Variants in DGKG observed in about 807,000 individuals in gnomAD.
The protein encoded by DGKG is DAG kinase gamma.
DGKG carries 78 observed loss-of-function variants against 105.3 expected under a neutral mutation model. The ratio of observed to expected loss-of-function variants is 0.74; its 90% CI spans 0.62 to 0.89. The LOEUF is 0.89. Ranked by LOEUF, DGKG falls within the 40% of genes least tolerant of loss-of-function variation. The probability of loss-of-function intolerance (pLI) is 0.00; values close to 1 mark genes in which losing one functional copy is unlikely to be tolerated. For synonymous variants in DGKG, 346 were observed against 367.1 expected (o/e 0.94, Z 0.66); for missense variants, 958 against 1,020.1 (o/e 0.94, Z 0.83).
rs1718973190 is a variant in DGKG, at chr3:186,210,312, C to T, written c.1917+1483G>A. The stretch of plus-strand genomic sequence containing the variant: ...CCAAGGGGAAAAAATGCACACATAT[C>T]CCTGTTAGCCACACTCGGTTCCCCT... On this transcript the variant is annotated intron_variant, in intron 21 of 24. Coordinates refer to ENST00000265022, the MANE Select transcript of DGKG (RefSeq NM_001346.3). The surrounding 1 kb of genome is among the most constrained non-coding windows in gnomAD (Gnocchi z 5.2). Among the ~76,000 whole-genome samples the T allele has an allele frequency of 6.6e-6, 1 of 152,188 alleles. No individual in the cohort carries two copies.
chr3:186,245,626 T>C (rs930096459), intron 19 of DGKG, among the ~76,000 whole-genome samples: 1 of 152,226 alleles, frequency 6.6e-6, no homozygotes, highest in Admixed American at 6.5e-5. Flanking sequence ...GATGATAGCA[T>C]TTCTCACAGC....
Position 186,232,383 on chromosome 3 carries a change from C to T in DGKG, c.1826+10121G>A, listed in dbSNP as rs910750941. Among the ~76,000 whole-genome samples the T allele has an allele frequency of 5.3e-5, 8 of 152,082 alleles. No homozygotes were observed. The South Asian group carries it at 6.2e-4, about 12-fold the overall frequency. ...AATGCTGAAAGAAAATATGTTATAGCGCTGAGTGTTTATTTCTTGGAGGAG... is the reference window on the plus strand; with the variant it reads ...AATGCTGAAAGAAAATATGTTATAGTGCTGAGTGTTTATTTCTTGGAGGAG... On this transcript the variant is annotated intron_variant, in intron 20 of 24. Coordinates refer to ENST00000265022, the MANE Select transcript of DGKG (RefSeq NM_001346.3).
chr3:186,188,544 C>T (rs566926961), intron 21 of DGKG, among the ~76,000 whole-genome samples, 165 bp from the exon 22 acceptor site: 6 of 152,220 alleles, frequency 3.9e-5, no homozygotes, highest in South Asian at 2.1e-4. Context: ...TGGGCAAAGT[C>T]GCTCAGACTT....
intron 21 of DGKG, among the ~76,000 whole-genome samples, chr3:186,198,532 T>A (rs2268845): frequency 6.6e-6 from 1 of 152,036 alleles, no homozygotes; most frequent in Non-Finnish European, 1.5e-5. Flanking sequence ...GGGTCAATAC[T>A]AGAGGCAGTG....
At chr3:186,259,095 G>GCTCTCCGACGGGA (rs11271469) in intron 16 of DGKG, among the ~76,000 whole-genome samples, 17 of 124,878 alleles carry the variant, frequency 1.4e-4, no homozygotes, top group African/African-American at 5.0e-4. Flanking sequence ...GCAGAACTCT[G>GCTCTCCGACGGGA]CTCTCCGACG....
intron 17 of DGKG, among the ~76,000 whole-genome samples, chr3:186,256,785 C>T (rs2108568493): frequency 6.6e-6 from 1 of 152,356 alleles, no homozygotes; most frequent in African/African-American, 2.4e-5. Flanking sequence ...TTCCTTCTGC[C>T]TGGACTGCCC....
In DGKG at chr3:186,264,257, C is replaced by T. The variant is rs562956555; in HGVS notation, c.1269+990G>A. On this transcript the variant is annotated intron_variant, in intron 14 of 24. Coordinates refer to ENST00000265022, the MANE Select transcript of DGKG (RefSeq NM_001346.3). ...TCCCCTCATTCGGCCTTATGTTTCA[C>T]TTTTCTTTTTCTTTTTTTTCTTTTG... Among the ~76,000 whole-genome samples, 3 of 150,482 alleles carry T rather than the reference C, an allele frequency of 2.0e-5. No homozygotes were observed. In the South Asian group the frequency reaches 6.3e-4, roughly 32 times the overall value.
rs1727245050 is a variant in DGKG, at chr3:186,361,826, T to C, written c.-249+120A>G. 1 of 152,586 alleles carries C rather than the reference T, an allele frequency of 6.6e-6. No homozygotes were observed. Among genetic ancestry groups the C allele is most frequent in the Non-Finnish European group, 1.5e-5 (1 of 68,426 alleles). 9.5% of individuals were successfully genotyped at this position (152,586 alleles called of 1,614,324 possible). A position where few individuals can be genotyped will look rare whatever the true frequency, so the allele number is the denominator to read the frequency against. On this transcript the variant is annotated intron_variant, in intron 1 of 24. Transcript: ENST00000265022. The surrounding 1 kb of genome is among the most constrained non-coding windows in gnomAD (Gnocchi z 6.8). ...ACTGTCGGGGTGGGCGCCGTGGCTT[T>C]GGCTGCAGCCCCTTCCCTGGCCGCG... is the stretch of plus-strand genomic sequence containing the variant.
At chr3:186,194,656 A>G (rs1471902952) in intron 21 of DGKG, among the ~76,000 whole-genome samples, 1 of 152,012 alleles carries the variant, frequency 6.6e-6, no homozygotes, top group African/African-American at 2.4e-5. Context: ...AATGACCTCC[A>G]CCAGGCCAGA....
chr3:186,253,071 C>T (rs760432672), intron 18 of DGKG, 22 bp downstream of exon 18: 2 of 1,609,512 alleles, frequency 1.2e-6, no homozygotes, highest in Non-Finnish European at 1.7e-6. Context: ...CCCAGGGTAC[C>T]ACCATTAGCA....
chr3:186,351,481 C>T (rs915298408), intron 1 of DGKG, among the ~76,000 whole-genome samples: 4 of 152,190 alleles, frequency 2.6e-5, no homozygotes, highest in East Asian at 3.9e-4. Flanking sequence ...TTAGGATCCA[C>T]GTTTCATTAC....
At chr3:186,152,207 C>T (rs1715795798) in intron 24 of DGKG, among the ~76,000 whole-genome samples, 1 of 152,166 alleles carries the variant, frequency 6.6e-6, no homozygotes, top group South Asian at 2.1e-4. Flanking sequence ...CTTCCACCAG[C>T]CCAGAGACCT....
chr3:186,359,931 G>T (rs1578882135), intron 1 of DGKG, among the ~76,000 whole-genome samples: 1 of 152,252 alleles, frequency 6.6e-6, no homozygotes, highest in Admixed American at 6.5e-5. Context: ...CATTTTAAAA[G>T]TTTTAAAGTT....
At chr3:186,280,543 A>C (rs1459124579) in intron 8 of DGKG, 127 bp downstream of exon 8, 1 of 671,958 alleles carries the variant, frequency 1.5e-6, no homozygotes, top group Non-Finnish European at 2.6e-6. Context: ...AGGACTCCAA[A>C]GAAGCTGCCT....
In DGKG at chr3:186,268,881, C is replaced by T. The variant is rs777808256; in HGVS notation, c.1036G>A (p.Val346Ile). ...CTTTTGTGGCACCGGTCACACTTGA[C>T]GGAGGAGTTCCCTTCCACCCATGCG... is the stretch of plus-strand genomic sequence containing the variant. ...QHAWVEGNSS[V>I]KCDRCHKSIK... Residue 346 changes from valine (V) to isoleucine (I), a missense_variant, in exon 12 of 25, where the codon GTC becomes ATC. Physicochemically the swap from Val to Ile is conservative, Grantham distance 29 (BLOSUM62 3). Coordinates refer to ENST00000265022, the MANE Select transcript of DGKG (RefSeq NM_001346.3). The T allele has an allele frequency of 9.9e-6, 16 of 1,613,872 alleles. No homozygotes were observed. The highest frequency in any genetic ancestry group is 1.2e-5 in the Non-Finnish European group (14 of 1,180,008).
At chr3:186,183,370 A>C (rs1256673331) in intron 22 of DGKG, among the ~76,000 whole-genome samples, 1 of 152,250 alleles carries the variant, frequency 6.6e-6, no homozygotes, top group Non-Finnish European at 1.5e-5. Context: ...ACACTAAGTT[A>C]ATACATGCAA....
intron 19 of DGKG, among the ~76,000 whole-genome samples, chr3:186,243,997 G>A (rs1275050282): frequency 6.8e-6 from 1 of 146,556 alleles, no homozygotes; most frequent in Non-Finnish European, 1.5e-5. Context: ...CCCAGGTTCA[G>A]GCAATTCTTC....
In DGKG at chr3:186,306,892, T is replaced by G. The variant is rs751357200; in HGVS notation, c.144+9A>C. 120 of 1,589,332 alleles carry G rather than the reference T, an allele frequency of 7.6e-5. No homozygotes were observed. Among genetic ancestry groups the G allele is most frequent in the Non-Finnish European group, 9.7e-5 (113 of 1,159,894 alleles). On this transcript the variant is annotated intron_variant, in intron 3 of 24. Coordinates refer to ENST00000265022, the MANE Select transcript of DGKG (RefSeq NM_001346.3). Reference sequence around the variant, plus strand: ...GGTTTTTAAAGGCTTAAAATGGAAATGTTCTTACCTCATGTGGGTCATATT... The same window carrying G: ...GGTTTTTAAAGGCTTAAAATGGAAAGGTTCTTACCTCATGTGGGTCATATT...
chr3:186,289,854 T>G (rs1723237382), intron 5 of DGKG, among the ~76,000 whole-genome samples: 1 of 152,204 alleles, frequency 6.6e-6, no homozygotes, highest in African/African-American at 2.4e-5. Flanking sequence ...CAATGTTACC[T>G]GTACACTCTT....
Sources: gnomAD v4.1 joint callset for allele counts (sites outside exome capture counted in the v4.1 genomes callset) on GRCh38, gnomAD v4.1.1 for gene constraint, Gnocchi (gnomAD v3.1) non-coding constraint, MANE v1.5 for transcripts, NCBI Gene and HGNC (gene_info 2026-07-23, HGNC 2026-07-21) for gene names.